The following FAM124A variants were observed in gnomAD, a reference collection of about 807,000 sequenced individuals.
FAM124A encodes the protein family with sequence similarity 124 member A.
A neutral mutation model predicts 24.5 loss-of-function variants in FAM124A; 23 were observed. That is an observed-to-expected ratio of 0.94 (90% CI 0.68 to 1.33). The LOEUF is 1.33. Ranked by LOEUF, FAM124A falls within the 40% of genes most tolerant of loss-of-function variation. The pLI is 0.00. For synonymous variants in FAM124A, 287 were observed against 314.7 expected, an observed-to-expected ratio of 0.91 and a Z score of 0.93; for missense variants, 623 against 722.8, an observed-to-expected ratio of 0.86 and a Z score of 1.58.
At chr13:51,271,429 A>G (rs1042402757) in intron 3 of FAM124A, among the ~76,000 whole-genome samples, 1 of 152,200 alleles carries the variant, frequency 6.6e-6, no homozygotes, top group Non-Finnish European at 1.5e-5. Flanking sequence ...TAATTTCAGT[A>G]GCCATAAAAA....
chr13:51,282,519 A>G lies in FAM124A; in HGVS notation c.*1263A>G, dbSNP rs898234587. ...TTACAGCCCCAACCTCAGCAATGCC[A>G]AAGGCTGGCATCGGGGGCAGTGCCA... On this transcript the variant is annotated 3_prime_UTR_variant, in exon 4 of 4. Coordinates refer to ENST00000322475, the MANE Select transcript of FAM124A (RefSeq NM_001242312.2). 6.6e-6 allele frequency: 1 copy of G among 152,238 alleles called. No individual in the cohort carries two copies. Among genetic ancestry groups the G allele is most frequent in the African/African-American group, 2.4e-5 (1 of 41,454 alleles). 9.4% of individuals were successfully genotyped at this position (152,238 alleles called of 1,614,324 possible). A position where few individuals can be genotyped will look rare whatever the true frequency, so the allele number is the denominator to read the frequency against.
At chr13:51,241,548 C>T (rs1954494491) in intron 2 of FAM124A, among the ~76,000 whole-genome samples, 1 of 152,062 alleles carries the variant, frequency 6.6e-6, no homozygotes, top group East Asian at 1.9e-4. Flanking sequence ...GTGGCCTGAC[C>T]CCAACTGTAA....
At chr13:51,228,145 G>A (rs542309247) in intron 1 of FAM124A, among the ~76,000 whole-genome samples, 89 of 151,584 alleles carry the variant, frequency 5.9e-4, no homozygotes, top group Middle Eastern at 7.0e-3. Context: ...TTACAGGAAT[G>A]CCAAGATCAA....
At position 51,282,482 on chromosome 13, in the gene FAM124A, G is replaced by A. The variant is rs1419206855; in HGVS notation, c.*1226G>A. On this transcript the variant is annotated 3_prime_UTR_variant, in exon 4 of 4. Transcript: ENST00000322475. ...TCTCACCTCCCTCTCACCTCAGTAA[G>A]AGTATGTTTGTTTACAGCCCCAACC... The A allele has an allele frequency of 6.6e-6, 1 of 152,222 alleles. No homozygotes were observed. The highest frequency in any genetic ancestry group is 1.5e-5 in the Non-Finnish European group (1 of 68,046). 9.4% of individuals were successfully genotyped at this position (152,222 alleles called of 1,614,324 possible). A position where few individuals can be genotyped will look rare whatever the true frequency, so the allele number is the denominator to read the frequency against.
chr13:51,282,949 G>A lies in FAM124A; in HGVS notation c.*1693G>A, dbSNP rs1469348106. 2 of 140,470 alleles carry A rather than the reference G, an allele frequency of 1.4e-5. No homozygotes were observed. Among genetic ancestry groups the A allele is most frequent in the African/African-American group, 3.0e-5 (1 of 33,324 alleles). 8.7% of individuals were successfully genotyped at this position (140,470 alleles called of 1,614,324 possible). On this transcript the variant is annotated 3_prime_UTR_variant, in exon 4 of 4. Transcript: ENST00000322475. ...GTATTTTAGGCTTTGCCAGTCATAT[G>A]GTCTCTTGCAGCTACTCAACTCTGC...
chr13:51,252,253 G>T lies in FAM124A; in HGVS notation c.834+52G>T, dbSNP rs748021194. On this transcript the variant is annotated intron_variant, in intron 3 of 3. Coordinates refer to ENST00000322475, the MANE Select transcript of FAM124A (RefSeq NM_001242312.2). ...TTTAGGGGACCTGAGAAACCAGTTA[G>T]CTTTGCCTCAAACACTATAGTACCA... 2.5e-6 allele frequency: 4 copies of T among 1,580,510 alleles called. No homozygotes were observed. In the African/African-American group the frequency reaches 4.0e-5, roughly 16 times the overall value.
intron 2 of FAM124A, among the ~76,000 whole-genome samples, chr13:51,239,097 G>T (rs564544308): frequency 1.3e-5 from 2 of 152,290 alleles, no homozygotes; most frequent in South Asian, 4.2e-4. Context: ...GTACTTCAGG[G>T]ATATCTGGTC....
chr13:51,222,401 C>A lies in FAM124A; in HGVS notation c.-101C>A. 9.6e-7 allele frequency: 1 copy of A among 1,041,216 alleles called. No individual in the cohort carries two copies. The highest frequency in any genetic ancestry group is 1.2e-6 in the Non-Finnish European group (1 of 838,008). 64.5% of individuals were successfully genotyped at this position (1,041,216 alleles called of 1,614,324 possible). ...GTTTGCCGGCTCCCGGGCCGCCAGACGCTCGGAGGGAGCCCGGCCGGCTCG... is the reference window on the plus strand; with the variant it reads ...GTTTGCCGGCTCCCGGGCCGCCAGAAGCTCGGAGGGAGCCCGGCCGGCTCG... On this transcript the variant is annotated 5_prime_UTR_variant, in exon 1 of 4. Coordinates refer to ENST00000322475, the MANE Select transcript of FAM124A (RefSeq NM_001242312.2).
intron 3 of FAM124A, among the ~76,000 whole-genome samples, chr13:51,271,855 GTAATA>G (rs1954843446): frequency 6.6e-6 from 1 of 152,192 alleles, no homozygotes; most frequent in Non-Finnish European, 1.5e-5. Flanking sequence ...AGTCTGGGCA[GTAATA>G]TAACCTCGCC....
chr13:51,262,709 GT>G (rs1954748908), intron 3 of FAM124A, among the ~76,000 whole-genome samples: 1 of 152,202 alleles, frequency 6.6e-6, no homozygotes, highest in African/African-American at 2.4e-5. Flanking sequence ...GAGCCTCTGG[GT>G]CCCCTGGGAC....
rs1184553566 is a variant in FAM124A at position 51,280,709 on chromosome 13, G to T, written c.1094G>T (p.Cys365Phe). Residue 365 changes from cysteine to phenylalanine, a missense_variant, in exon 4 of 4, where the codon TGT becomes TTT. Coordinates refer to ENST00000322475, the MANE Select transcript of FAM124A (RefSeq NM_001242312.2). ...TTCCAGAGAAGCAAGTCCTTGTTTT[G>T]TTTGCCCACGGGAGGCCCCTCCCTG... ...WSFQRSKSLF[C>F]LPTGGPSLAS... 6.2e-7 allele frequency: 1 copy of T among 1,614,010 alleles called. No individual in the cohort carries two copies. Among genetic ancestry groups the T allele is most frequent in the African/African-American group, 1.3e-5 (1 of 74,914 alleles).
At position 51,251,620 on chromosome 13, in the gene FAM124A, CG is replaced by C. The variant is rs1197447384; in HGVS notation, c.256del (p.Ala86ArgfsTer107). ...DLPLFRVSER[R>X]ASRRRRKPPK... ...CCCGCTGTTCCGGGTGTCCGAGAGG[CG>C]GGCGTCCCGGCGGCGGCGGAAGCCC... On this transcript the variant is annotated frameshift_variant, in exon 3 of 4. Coordinates refer to ENST00000322475, the MANE Select transcript of FAM124A (RefSeq NM_001242312.2). LOFTEE classifies it high-confidence loss of function. The surrounding 1 kb of genome is among the most constrained non-coding windows in gnomAD (Gnocchi z 5.3). 1.7e-5 allele frequency: 27 copies of C among 1,562,212 alleles called. No individual in the cohort carries two copies. Among genetic ancestry groups the C allele is most frequent in the Non-Finnish European group, 2.3e-5 (27 of 1,151,666 alleles).
intron 3 of FAM124A, among the ~76,000 whole-genome samples, chr13:51,262,488 T>G (rs1954746686): frequency 6.6e-6 from 1 of 152,204 alleles, no homozygotes; most frequent in Non-Finnish European, 1.5e-5. Context: ...TGTCAGTTTT[T>G]TTTCTTTAAA....
chr13:51,280,957 G>C lies in FAM124A; in HGVS notation c.1342G>C (p.Glu448Gln), dbSNP rs757466454. 2 of 1,613,994 alleles carry C rather than the reference G, an allele frequency of 1.2e-6. No individual in the cohort carries two copies. The highest frequency in any genetic ancestry group is 3.3e-5 in the Admixed American group (2 of 60,004). ...CSTVETPLPS[E>Q]RCSSHWAAHK... is the part of the protein sequence containing the mutation. ...CACAGTGGAGACACCCCTCCCCTCC[G>C]AAAGATGCAGCAGCCACTGGGCAGC... Residue 448 changes from glutamate (E) to glutamine (Q), a missense_variant, in exon 4 of 4, where the codon GAA becomes CAA. By Grantham distance (29) the Glu-to-Gln change is conservative. Transcript: ENST00000322475.
chr13:51,276,453 C>T (rs1954886661), intron 3 of FAM124A, among the ~76,000 whole-genome samples: 1 of 152,198 alleles, frequency 6.6e-6, no homozygotes, highest in Non-Finnish European at 1.5e-5. Flanking sequence ...AGCATTTGCT[C>T]AACCGCCATC....
chr13:51,270,458 A>G (rs1442835795), intron 3 of FAM124A, among the ~76,000 whole-genome samples: 1 of 152,084 alleles, frequency 6.6e-6, no homozygotes, highest in East Asian at 1.9e-4. Context: ...TTTGCTTTTT[A>G]CCACTCAAGA....
chr13:51,252,749 C>T (rs1023855777), intron 3 of FAM124A: 3 of 153,732 alleles, frequency 2.0e-5, no homozygotes, highest in African/African-American at 7.2e-5. Flanking sequence ...TTGTTGAAAT[C>T]CTGTGATCAC....
chr13:51,245,270 T>G, intron 2 of FAM124A: 2 of 623,726 alleles, frequency 3.2e-6, no homozygotes, highest in South Asian at 4.0e-5. Flanking sequence ...GCACAGCATG[T>G]GAAAATCTGG....
At chr13:51,231,310 A>T (rs1249373951) in intron 1 of FAM124A, 38 bp from the exon 2 acceptor site, 11 of 1,612,914 alleles carry the variant, frequency 6.8e-6, no homozygotes, top group Non-Finnish European at 9.3e-6. Flanking sequence ...AATCATTTGG[A>T]TAAAGAATTC....
Sources: allele counts gnomAD v4.1 joint callset (sites outside exome capture counted in the v4.1 genomes callset), GRCh38; gene constraint gnomAD v4.1.1; non-coding constraint Gnocchi (gnomAD v3.1); transcripts MANE v1.5; gene names NCBI Gene and HGNC (gene_info 2026-07-23, HGNC 2026-07-21).